Variants in NALF1 observed in about 807,000 individuals in gnomAD.
The protein encoded by NALF1 is NALCN channel auxiliary factor 1, also known as family with sequence similarity 155 member A.
Under a neutral mutation model 48.4 loss-of-function variants are expected in NALF1, and 3 were observed. The ratio of observed to expected loss-of-function variants is 0.06; its 90% CI spans 0.03 to 0.16. NALF1 has a LOEUF of 0.16. NALF1 is among the 10% of genes least tolerant of loss of function. NALF1 has a pLI of 1.00. For synonymous variants in NALF1, 262 were observed against 245.7 expected (o/e 1.07, Z -0.62); for missense variants, 526 against 571.5 (o/e 0.92, Z 0.81).
At position 107,543,720 on chromosome 13, in the gene NALF1, CATACATGTATATATACACACACATTT is replaced by C. The variant is rs1447446837; in HGVS notation, c.915+321936_915+321961del. On this transcript the variant is annotated intron_variant, in intron 1 of 2. Transcript: ENST00000375915. ...ACGTATATATATACACACACACATA[CATACATGTATATATACACACACATTT>C]ATACATGTATATATACACACACATT... Among the ~76,000 whole-genome samples, 39 of 151,980 alleles carry C rather than the reference CATACATGTATATATACACACACATTT, an allele frequency of 2.6e-4. No homozygotes were observed. The South Asian group carries it at 4.4e-3, about 17-fold the overall frequency.
chr13:107,238,343 C>T (rs555931111), intron 1 of NALF1, among the ~76,000 whole-genome samples: 1 of 152,146 alleles, frequency 6.6e-6, no homozygotes, highest in African/African-American at 2.4e-5. Context: ...TCAGTAAATG[C>T]TGTTTGCAAG....
chr13:107,448,443 C>T (rs1401776384), intron 1 of NALF1, among the ~76,000 whole-genome samples: 1 of 152,090 alleles, frequency 6.6e-6, no homozygotes, highest in Non-Finnish European at 1.5e-5. Flanking sequence ...CCTTGGACCA[C>T]GTCATTCTAT....
At chr13:107,517,615 A>T (rs1161206949) in intron 1 of NALF1, among the ~76,000 whole-genome samples, 1 of 152,000 alleles carries the variant, frequency 6.6e-6, no homozygotes, top group East Asian at 1.9e-4. Flanking sequence ...AGCCTGGGTG[A>T]CAGAGTGAGA....
At chr13:107,176,503 G>A (rs780813969) in intron 2 of NALF1, among the ~76,000 whole-genome samples, 67 of 151,964 alleles carry the variant, frequency 4.4e-4, no homozygotes, top group Non-Finnish European at 8.4e-4. Context: ...TTAGCCAGGC[G>A]TGGTGGCGGG....
intron 2 of NALF1, among the ~76,000 whole-genome samples, chr13:107,184,143 C>A (rs1879124789): frequency 6.7e-6 from 1 of 150,338 alleles, no homozygotes; most frequent in African/African-American, 2.4e-5. Context: ...AACAAACCTG[C>A]ACGTTCTGCA....
chr13:107,437,235 A>G (rs988941970), intron 1 of NALF1, among the ~76,000 whole-genome samples: 2 of 152,174 alleles, frequency 1.3e-5, no homozygotes, highest in Admixed American at 1.3e-4. Context: ...ACAAAAACGA[A>G]TACCACCAAA....
chr13:107,723,321 G>A (rs553955726), intron 1 of NALF1, among the ~76,000 whole-genome samples: 2 of 152,242 alleles, frequency 1.3e-5, no homozygotes, highest in East Asian at 3.9e-4. Flanking sequence ...GACCTGGCTT[G>A]CATTATACAC....
intron 1 of NALF1, among the ~76,000 whole-genome samples, chr13:107,634,650 G>A (rs184166670): frequency 1.6e-4 from 25 of 152,126 alleles, no homozygotes; most frequent in African/African-American, 6.0e-4. Flanking sequence ...GAAAACAGAT[G>A]GAAAGGTAGT....
chr13:107,184,544 T>A (rs1231426220), intron 2 of NALF1, among the ~76,000 whole-genome samples: 1 of 152,226 alleles, frequency 6.6e-6, no homozygotes, highest in Non-Finnish European at 1.5e-5. Flanking sequence ...TGTATGTGTA[T>A]AACATATTTG....
rs2138762691 is a variant in NALF1 at position 107,170,746 on chromosome 13, G to A, written c.1128C>T (p.Cys376=). Residue 376 remains cysteine, a synonymous_variant, in exon 3 of 3, where the codon TGC becomes TGT. Transcript: ENST00000375915. ...ATTTTTCTTCTCTCCTGACGTCACA[G>A]CATTCTGGTTCATCATTGGTTAGAA... ...ETFLTNDEPE[C]CDVRREEKSN... is the part of the protein sequence containing the mutation. The A allele has an allele frequency of 4.3e-6, 7 of 1,614,188 alleles. No individual in the cohort carries two copies. The highest frequency in any genetic ancestry group is 4.5e-5 in the East Asian group (2 of 44,878).
At chr13:107,731,642 G>A (rs1876312444) in intron 1 of NALF1, among the ~76,000 whole-genome samples, 1 of 152,122 alleles carries the variant, frequency 6.6e-6, no homozygotes, top group Admixed American at 6.6e-5. Context: ...TTATAAGTGA[G>A]AACAGGCAGT....
At chr13:107,805,709 G>A (rs569964396) in intron 1 of NALF1, among the ~76,000 whole-genome samples, 52 of 152,216 alleles carry the variant, frequency 3.4e-4, no homozygotes, top group African/African-American at 1.2e-3. Flanking sequence ...TTCAATTAGC[G>A]ATCACAGGAG....
intron 1 of NALF1, among the ~76,000 whole-genome samples, chr13:107,333,225 T>C (rs1882500849): frequency 6.6e-6 from 1 of 152,154 alleles, no homozygotes; most frequent in African/African-American, 2.4e-5. Context: ...ATTGAACTCA[T>C]GGCCAACAAA....
rs1327115398 is a variant in NALF1 at position 107,549,778 on chromosome 13, T to C, written c.915+315904A>G. Reference sequence around the variant, plus strand: ...AGGAAATGAATATTGTTAAATTTTATTATCTAACCCATGGAGCTTATGGAA... The same window carrying C: ...AGGAAATGAATATTGTTAAATTTTACTATCTAACCCATGGAGCTTATGGAA... On this transcript the variant is annotated intron_variant, in intron 1 of 2. Coordinates refer to ENST00000375915, the MANE Select transcript of NALF1 (RefSeq NM_001080396.3). Among the ~76,000 whole-genome samples, 4 of 152,200 alleles carry C rather than the reference T, an allele frequency of 2.6e-5. 1 individual carries two copies. In the East Asian group the frequency reaches 7.7e-4, roughly 29 times the overall value.
intron 1 of NALF1, among the ~76,000 whole-genome samples, chr13:107,483,368 G>A (rs888133568): frequency 1.4e-4 from 21 of 152,014 alleles, no homozygotes; most frequent in Non-Finnish European, 2.4e-4. Flanking sequence ...TTTTAATTGT[G>A]TTCTTCTCTT....
chr13:107,300,539 GTTTA>G (rs768193506), intron 1 of NALF1, among the ~76,000 whole-genome samples: 2 of 152,106 alleles, frequency 1.3e-5, no homozygotes, highest in Non-Finnish European at 1.5e-5. Context: ...AAGTATACTT[GTTTA>G]TTTATTGCCA....
At chr13:107,477,950 G>A (rs549098654) in intron 1 of NALF1, among the ~76,000 whole-genome samples, 44 of 152,140 alleles carry the variant, frequency 2.9e-4, no homozygotes, top group Admixed American at 7.9e-4. Flanking sequence ...CAGATGCCTT[G>A]CTTCAAAGTA....
intron 1 of NALF1, among the ~76,000 whole-genome samples, chr13:107,769,913 G>GT (rs1032334647): frequency 8.6e-5 from 13 of 151,764 alleles, no homozygotes; most frequent in Non-Finnish European, 1.3e-4. Context: ...GCTTTGTTTT[G>GT]TTTTGTTTTG....
chr13:107,819,481 C>A (rs982228364), intron 1 of NALF1, among the ~76,000 whole-genome samples: 41 of 152,226 alleles, frequency 2.7e-4, no homozygotes, highest in African/African-American at 9.9e-4. Flanking sequence ...ATGCTCTACA[C>A]ACCTGAAAGC....
Sources: gnomAD v4.1 joint callset for allele counts (sites outside exome capture counted in the v4.1 genomes callset) on GRCh38, gnomAD v4.1.1 for gene constraint, MANE v1.5 for transcripts, NCBI Gene and HGNC (gene_info 2026-07-23, HGNC 2026-07-21) for gene names.